SUSD3: variants seen among roughly 807,000 people sequenced by gnomAD.
The protein encoded by SUSD3 is sushi domain containing 3, also known as sushi domain-containing protein 3.
Under a neutral mutation model 20.6 loss-of-function variants are expected in SUSD3, and 18 were observed. The ratio of observed to expected loss-of-function variants is 0.87; its 90% CI spans 0.60 to 1.30. SUSD3 has a LOEUF of 1.30. SUSD3 is among the 50% of genes most tolerant of loss of function. The pLI is 0.00. For synonymous variants in SUSD3, 137 were observed against 141.5 expected, an observed-to-expected ratio of 0.97 and a Z score of 0.23; for missense variants, 306 against 346.9, an observed-to-expected ratio of 0.88 and a Z score of 0.94.
chr9:93,084,663 C>G lies in SUSD3; in HGVS notation c.684C>G (p.His228Gln). ...CACCCCAAGCCCAGGTGATGGTGCA[C>G]ATGGCAAACCCCAGACAGCCCCTGC... Reference protein sequence around the residue: ...SSSPQAQVMVHMANPRQPLPA... With the variant: ...SSSPQAQVMVQMANPRQPLPA... Residue 228 changes from histidine (H) to glutamine (Q), a missense_variant, in exon 5 of 5, where the codon CAC becomes CAG. Transcript: ENST00000375472. The G allele has an allele frequency of 6.2e-7, 1 of 1,607,946 alleles. No homozygotes were observed. The highest frequency in any genetic ancestry group is 8.5e-7 in the Non-Finnish European group (1 of 1,177,194).
At chr9:93,076,092 T>A in intron 2 of SUSD3, 120 bp downstream of exon 2, 1 of 847,472 alleles carries the variant, frequency 1.2e-6, no homozygotes, top group East Asian at 2.8e-5. Context: ...TAGGCCAGTG[T>A]GTAGGGTCCC....
chr9:93,066,243 C>CA (rs1825705791), intron 1 of SUSD3, among the ~76,000 whole-genome samples: 1 of 152,060 alleles, frequency 6.6e-6, no homozygotes, highest in Non-Finnish European at 1.5e-5. Flanking sequence ...GTTGCTTTTT[C>CA]TTTTTTTGGA....
intron 4 of SUSD3, among the ~76,000 whole-genome samples, chr9:93,079,839 C>G (rs1235311244): frequency 6.6e-6 from 1 of 152,110 alleles, no homozygotes; most frequent in Non-Finnish European, 1.5e-5. Context: ...TCTGGAGGGT[C>G]CACCCTCCAG....
intron 4 of SUSD3, among the ~76,000 whole-genome samples, chr9:93,081,282 C>T (rs903251900): frequency 1.3e-5 from 2 of 152,106 alleles, no homozygotes; most frequent in African/African-American, 2.4e-5. Flanking sequence ...GCTTAGACAC[C>T]GGGGTCTGGG....
Position 93,077,983 on chromosome 9 carries a change from C to A in SUSD3, c.415C>A (p.Arg139Ser), listed in dbSNP as rs770599593. Residue 139 changes from arginine (R) to serine (S), a missense_variant, in exon 3 of 5, where the codon CGC becomes AGC. Transcript: ENST00000375472. Reference protein sequence around the residue: ...LKCVKKSKRRRSNRSAQLWSQ... With the variant: ...LKCVKKSKRRSSNRSAQLWSQ... ...GTGCGTGAAGAAGAGCAAGCGGCGG[C>A]GCTCCAACAGGTACGGTGGCCTCAT... is the stretch of plus-strand genomic sequence containing the variant. 6.2e-7 allele frequency: 1 copy of A among 1,614,188 alleles called. No homozygotes were observed. Among genetic ancestry groups the A allele is most frequent in the Non-Finnish European group, 8.5e-7 (1 of 1,180,028 alleles).
intron 1 of SUSD3, among the ~76,000 whole-genome samples, chr9:93,073,997 T>C (rs1414827236): frequency 6.6e-6 from 1 of 152,206 alleles, no homozygotes; most frequent in Non-Finnish European, 1.5e-5. Flanking sequence ...TGGTTCTCCC[T>C]GGGTAGGCTG....
At chr9:93,076,504 CA>C (rs1202604936) in intron 2 of SUSD3, among the ~76,000 whole-genome samples, 2 of 152,178 alleles carry the variant, frequency 1.3e-5, no homozygotes, top group Non-Finnish European at 2.9e-5. Context: ...GAAAGGTCCA[CA>C]AGATAGTCCC....
At chr9:93,063,810 C>T (rs868600796) in intron 1 of SUSD3, among the ~76,000 whole-genome samples, 4 of 152,258 alleles carry the variant, frequency 2.6e-5, no homozygotes, top group Middle Eastern at 3.4e-3. Context: ...GACCCTTCTT[C>T]TGGTCAGCTG....
In SUSD3 at chr9:93,084,560, A is replaced by G; in HGVS notation, c.581A>G (p.Lys194Arg). Reference protein sequence around the residue: ...FTTDHGESTSKLASVTRSVDK... With the variant: ...FTTDHGESTSRLASVTRSVDK... Reference sequence around the variant, plus strand: ...AGAGACCATGGTGAGAGCACCAGCAAGCTGGCCAGTGTGACCCGCAGCGTG... The same window carrying G: ...AGAGACCATGGTGAGAGCACCAGCAGGCTGGCCAGTGTGACCCGCAGCGTG... Residue 194 changes from lysine (K) to arginine (R), a missense_variant, in exon 5 of 5, where the codon AAG becomes AGG. Physicochemically the swap from Lys to Arg is conservative, Grantham distance 26. Coordinates refer to ENST00000375472, the MANE Select transcript of SUSD3 (RefSeq NM_145006.4). The G allele has an allele frequency of 3.1e-6, 5 of 1,597,882 alleles. No homozygotes were observed. Among genetic ancestry groups the G allele is most frequent in the Non-Finnish European group, 4.3e-6 (5 of 1,172,182 alleles).
chr9:93,078,135 TC>T, intron 3 of SUSD3, 142 bp downstream of exon 3: 1 of 1,184,018 alleles, frequency 8.4e-7, no homozygotes, highest in Non-Finnish European at 1.2e-6. Context: ...TGGGCCTGCG[TC>T]TCCCCCCCAA....
Position 93,058,806 on chromosome 9 carries a change from A to G in SUSD3, c.64A>G (p.Thr22Ala). The G allele has an allele frequency of 8.0e-7, 1 of 1,250,456 alleles. No homozygotes were observed. The highest frequency in any genetic ancestry group is 1.0e-6 in the Non-Finnish European group (1 of 997,064). The allele number at this position is 1,250,456 out of a possible 1,614,324, so 77.5% of individuals were successfully genotyped here. A position where few individuals can be genotyped will look rare whatever the true frequency, so the allele number is the denominator to read the frequency against. The change falls in exon 1 of 5, where the codon ACG becomes GCG. Residue 22 changes from threonine (T) to alanine (A), a missense_variant. Coordinates refer to ENST00000375472, the MANE Select transcript of SUSD3 (RefSeq NM_145006.4). ...ARPRGRAGVT[T>A]PAPGNRTGTC... is the part of the protein sequence containing the mutation. Reference sequence around the variant, plus strand: ...GCCCCGGGGGCGGGCCGGGGTCACCACGCCTGCCCCAGGGAACCGCACAGG... The same window carrying G: ...GCCCCGGGGGCGGGCCGGGGTCACCGCGCCTGCCCCAGGGAACCGCACAGG...
intron 1 of SUSD3, among the ~76,000 whole-genome samples, chr9:93,068,192 C>T (rs1464727074): frequency 6.6e-6 from 1 of 152,162 alleles, no homozygotes; most frequent in Non-Finnish European, 1.5e-5. Context: ...CTTTAAAGCA[C>T]AAACATTTTT....
chr9:93,078,670 T>C (rs745877646), intron 3 of SUSD3, among the ~76,000 whole-genome samples: 13 of 152,254 alleles, frequency 8.5e-5, no homozygotes, highest in Non-Finnish European at 1.0e-4. Flanking sequence ...TCACTGTCAC[T>C]GCAGATGGAG....
At chr9:93,073,244 CTTT>C (rs573555207) in intron 1 of SUSD3, among the ~76,000 whole-genome samples, 1 of 123,896 alleles carries the variant, frequency 8.1e-6, no homozygotes, top group Admixed American at 8.4e-5. Flanking sequence ...TGTCCCTGTT[CTTT>C]TTTTTTTTTT....
chr9:93,072,855 A>T (rs1401703140), intron 1 of SUSD3, among the ~76,000 whole-genome samples: 1 of 152,154 alleles, frequency 6.6e-6, no homozygotes, highest in African/African-American at 2.4e-5. Context: ...TGAAGGATGG[A>T]GGGACTGCTG....
At chr9:93,079,909 C>T (rs888291865) in intron 4 of SUSD3, among the ~76,000 whole-genome samples, 3 of 152,230 alleles carry the variant, frequency 2.0e-5, no homozygotes, top group African/African-American at 7.2e-5. Flanking sequence ...GGGCTCTGCA[C>T]TGAGCTGCAG....
chr9:93,072,513 A>G lies in SUSD3; in HGVS notation c.89-3271A>G, dbSNP rs368713629. Among the ~76,000 whole-genome samples, 33 of 152,308 alleles carry G rather than the reference A, an allele frequency of 2.2e-4. 1 individual carries two copies. In the East Asian group the frequency reaches 6.2e-3, roughly 29 times the overall value. Reference sequence around the variant, plus strand: ...GACTTCGGAGCCTGGCCTGAAGCCCAGCTCTGCTGATGCCCATTAATAGCC... The same window carrying G: ...GACTTCGGAGCCTGGCCTGAAGCCCGGCTCTGCTGATGCCCATTAATAGCC... On this transcript the variant is annotated intron_variant, in intron 1 of 4. Coordinates refer to ENST00000375472, the MANE Select transcript of SUSD3 (RefSeq NM_145006.4).
intron 1 of SUSD3, among the ~76,000 whole-genome samples, chr9:93,064,945 C>T (rs539781683): frequency 3.7e-4 from 56 of 152,308 alleles, no homozygotes; most frequent in Non-Finnish European, 6.6e-4. Flanking sequence ...CGGTCACATC[C>T]GTCTTGTTTG....
rs58393196 is a variant in SUSD3, at chr9:93,075,411, CTTTTTTTTTTTTT to C, written c.89-362_89-350del. 1.7e-4 allele frequency among the ~76,000 whole-genome samples: 17 copies of C among 101,276 alleles called. 1 individual carries two copies. The Middle Eastern group carries it at 0.025, about 151-fold the overall frequency. The allele number at this position is 101,276 out of a possible 152,430, so 66.4% of individuals were successfully genotyped here. A position where few individuals can be genotyped will look rare whatever the true frequency, so the allele number is the denominator to read the frequency against. On this transcript the variant is annotated intron_variant, in intron 1 of 4. Coordinates refer to ENST00000375472, the MANE Select transcript of SUSD3 (RefSeq NM_145006.4). Reference sequence around the variant, plus strand: ...AATCTGCTGATCTCTCTCTGTCCCTCTTTTTTTTTTTTTTTTTTTTTTTGTTCTGATTTCTGCC... The same window carrying C: ...AATCTGCTGATCTCTCTCTGTCCCTCTTTTTTTTTTGTTCTGATTTCTGCC...
Sources: allele counts gnomAD v4.1 joint callset (sites outside exome capture counted in the v4.1 genomes callset), GRCh38; gene constraint gnomAD v4.1.1; transcripts MANE v1.5; gene names NCBI Gene and HGNC (gene_info 2026-07-23, HGNC 2026-07-21).